XYLT1: variants seen among roughly 807,000 people sequenced by gnomAD.
XYLT1 encodes the protein beta-D-xylosyltransferase 1.
XYLT1 carries 36 observed loss-of-function variants against 91.3 expected under a neutral mutation model. The observed-to-expected ratio is 0.39, with a 90% CI of 0.30 to 0.52. The LOEUF is 0.52. Ranked by LOEUF, XYLT1 falls within the 20% of genes least tolerant of loss-of-function variation. XYLT1 has a pLI of 0.68. For synonymous variants in XYLT1, 588 were observed against 532.0 expected, an observed-to-expected ratio of 1.11 and a Z score of -1.45; for missense variants, 1,242 against 1,284.5, an observed-to-expected ratio of 0.97 and a Z score of 0.51.
At chr16:17,400,504 C>T (rs933917746) in intron 1 of XYLT1, among the ~76,000 whole-genome samples, 1 of 151,568 alleles carries the variant, frequency 6.6e-6, no homozygotes, top group African/African-American at 2.4e-5. Flanking sequence ...GCATGAGAAT[C>T]ACTTGAACCT....
chr16:17,282,245 CT>C (rs1305423077), intron 2 of XYLT1, among the ~76,000 whole-genome samples: 1 of 152,176 alleles, frequency 6.6e-6, no homozygotes, highest in Middle Eastern at 3.2e-3. Context: ...AAATACCTTA[CT>C]GAAGACCCTC....
intron 2 of XYLT1, among the ~76,000 whole-genome samples, chr16:17,285,597 C>T (rs994985556): frequency 4.6e-5 from 7 of 152,192 alleles, no homozygotes; most frequent in African/African-American, 7.2e-5. Flanking sequence ...CCATCATGCC[C>T]GGGGGCCCTG....
At chr16:17,241,343 C>T (rs1311193711) in intron 3 of XYLT1, among the ~76,000 whole-genome samples, 1 of 152,226 alleles carries the variant, frequency 6.6e-6, no homozygotes, top group Non-Finnish European at 1.5e-5. Flanking sequence ...AACAGCACCT[C>T]TAAATTCTCC....
chr16:17,442,637 T>C (rs561231092), intron 1 of XYLT1, among the ~76,000 whole-genome samples: 5 of 152,238 alleles, frequency 3.3e-5, no homozygotes, highest in African/African-American at 4.8e-5. Flanking sequence ...AATGAGCCCA[T>C]GGATTCCCCC....
intron 3 of XYLT1, among the ~76,000 whole-genome samples, chr16:17,253,997 A>G (rs188334572): frequency 6.6e-6 from 1 of 152,322 alleles, no homozygotes; most frequent in South Asian, 2.1e-4. Flanking sequence ...CAGCTCTGTC[A>G]TCTGCTGGCC....
chr16:17,138,695 A>G lies in XYLT1; in HGVS notation c.1588-164T>C, dbSNP rs540859597. On this transcript the variant is annotated intron_variant, in intron 7 of 11. Coordinates refer to ENST00000261381, the MANE Select transcript of XYLT1 (RefSeq NM_022166.4). ...GGGCGGCTTCCTGTACAGCTTGCAG[A>G]ACTGCAAGCCAAATAAACCTCTTTT... 18 of 678,812 alleles carry G rather than the reference A, an allele frequency of 2.7e-5. No homozygotes were observed. In the South Asian group the frequency reaches 3.8e-4, roughly 14 times the overall value. The allele number at this position is 678,812 out of a possible 1,614,324, so 42.0% of individuals were successfully genotyped here.
At chr16:17,218,511 C>T (rs1045512542) in intron 3 of XYLT1, among the ~76,000 whole-genome samples, 3 of 152,098 alleles carry the variant, frequency 2.0e-5, no homozygotes, top group African/African-American at 7.2e-5. Flanking sequence ...CCTTACATAG[C>T]AGGGCTTGTG....
chr16:17,246,812 G>C (rs57857605), intron 3 of XYLT1, among the ~76,000 whole-genome samples: 5,440 of 152,268 alleles, frequency 0.036, 324 homozygotes, highest in African/African-American at 0.12. Context: ...TCTCACCTAA[G>C]GGTCCCCAAC....
rs187698954 is a variant in XYLT1 at position 17,278,392 on chromosome 16, G to T, written c.403-18894C>A. Among the ~76,000 whole-genome samples, 135 of 152,308 alleles carry T rather than the reference G, an allele frequency of 8.9e-4. 1 individual carries two copies. The highest frequency in any genetic ancestry group is 1.6e-3 in the Non-Finnish European group (108 of 68,030). ...CTTTGGACAGTCAGGACGCATCTCC[G>T]AGAAGTTCTTCTTCATTGCCGCAGG... is the stretch of plus-strand genomic sequence containing the variant. On this transcript the variant is annotated intron_variant, in intron 2 of 11. Transcript: ENST00000261381.
chr16:17,161,404 G>A (rs1029880093), intron 5 of XYLT1, among the ~76,000 whole-genome samples: 1 of 152,036 alleles, frequency 6.6e-6, no homozygotes, highest in Non-Finnish European at 1.5e-5. Context: ...CTGATGGATT[G>A]TCTGGAAGGG....
rs1260636554 is a variant in XYLT1 at position 17,250,768 on chromosome 16, T to G, written c.913+8220A>C. On this transcript the variant is annotated intron_variant, in intron 3 of 11. Coordinates refer to ENST00000261381, the MANE Select transcript of XYLT1 (RefSeq NM_022166.4). ...CAGAAGGAGATGCCAAAGGGCCCAG[T>G]TGGAACTGCAAGGGCCGCCTTGGGA... The G allele has an allele frequency of 2.6e-5, 4 of 152,432 alleles. No individual in the cohort carries two copies. The East Asian group carries it at 5.8e-4, about 22-fold the overall frequency. 9.4% of individuals were successfully genotyped at this position (152,432 alleles called of 1,614,324 possible). A position where few individuals can be genotyped will look rare whatever the true frequency, so the allele number is the denominator to read the frequency against.
At chr16:17,180,335 T>C (rs2032039820) in intron 5 of XYLT1, among the ~76,000 whole-genome samples, 1 of 152,180 alleles carries the variant, frequency 6.6e-6, no homozygotes, top group Admixed American at 6.5e-5. Context: ...TTAAAGTAAC[T>C]TGTTGGAAAC....
intron 1 of XYLT1, among the ~76,000 whole-genome samples, chr16:17,375,978 T>C (rs988810181): frequency 6.6e-6 from 1 of 152,260 alleles, no homozygotes; most frequent in African/African-American, 2.4e-5. Flanking sequence ...CATTAATCAC[T>C]GAGTGTGTTT....
chr16:17,110,337 C>T (rs139355021), intron 11 of XYLT1, among the ~76,000 whole-genome samples: 11 of 152,282 alleles, frequency 7.2e-5, no homozygotes, highest in African/African-American at 2.2e-4. Context: ...AGAATCCCCA[C>T]GTGTTGTGGG....
At chr16:17,234,821 G>A (rs2033222405) in intron 3 of XYLT1, among the ~76,000 whole-genome samples, 1 of 152,076 alleles carries the variant, frequency 6.6e-6, no homozygotes, top group African/African-American at 2.4e-5. Context: ...TTAGCCCACA[G>A]AGAAATGTCT....
At chr16:17,144,350 C>G (rs1428765776) in intron 6 of XYLT1, among the ~76,000 whole-genome samples, 2 of 152,230 alleles carry the variant, frequency 1.3e-5, no homozygotes, top group East Asian at 3.9e-4. Context: ...AAACGACAGG[C>G]TTTATCTTCT....
rs149823087 is a variant in XYLT1, at chr16:17,275,113, G to A, written c.403-15615C>T. Among the ~76,000 whole-genome samples the A allele has an allele frequency of 2.0e-5, 3 of 152,256 alleles. No individual in the cohort carries two copies. The East Asian group carries it at 5.8e-4, about 29-fold the overall frequency. On this transcript the variant is annotated intron_variant, in intron 2 of 11. Transcript: ENST00000261381. ...AAACGCTTGGACCTGGGAGGTGGGG[G>A]TTGTAGTGAGCCAATATTGCGCCAC...
chr16:17,140,892 C>A (rs1188939012), intron 7 of XYLT1, among the ~76,000 whole-genome samples: 1 of 152,194 alleles, frequency 6.6e-6, no homozygotes, highest in Non-Finnish European at 1.5e-5. Flanking sequence ...AGCCAAGTAT[C>A]TTGAGGAAGA....
chr16:17,196,428 T>C (rs2032427353), intron 5 of XYLT1, among the ~76,000 whole-genome samples: 1 of 152,252 alleles, frequency 6.6e-6, no homozygotes, highest in African/African-American at 2.4e-5. Context: ...TATTTATAGA[T>C]ACAATTCTGT....
Sources: gnomAD v4.1 joint callset for allele counts (sites outside exome capture counted in the v4.1 genomes callset) on GRCh38, gnomAD v4.1.1 for gene constraint, MANE v1.5 for transcripts, NCBI Gene and HGNC (gene_info 2026-07-23, HGNC 2026-07-21) for gene names.